KMT2E: variants seen among roughly 807,000 people sequenced by gnomAD.
KMT2E encodes the protein lysine methyltransferase 2E (inactive).
In KMT2E, 30 loss-of-function variants were observed where a neutral mutation model predicts 184.6. The observed-to-expected ratio is 0.16, with a 90% CI of 0.12 to 0.22. The LOEUF (loss-of-function observed/expected upper bound fraction) is 0.22. Among genes scored for constraint, KMT2E ranks in the 10% least tolerant of loss-of-function variants. The pLI, the probability that KMT2E is intolerant of heterozygous loss-of-function variation, is 1.00. For synonymous variants in KMT2E, 815 were observed against 776.5 expected (o/e 1.05, Z -0.82); for missense variants, 2,023 against 2,237.4 (o/e 0.90, Z 1.93).
chr7:105,096,680 A>G (rs1412686120), intron 15 of KMT2E, among the ~76,000 whole-genome samples: 3 of 152,210 alleles, frequency 2.0e-5, no homozygotes, highest in Admixed American at 6.5e-5. Flanking sequence ...GTAGACCATC[A>G]ATAAATGAGC....
intron 22 of KMT2E, 25 bp downstream of exon 22, chr7:105,107,950 C>A: frequency 6.8e-7 from 1 of 1,468,420 alleles, no homozygotes; most frequent in Non-Finnish European, 9.1e-7. Context: ...AATTTATAGT[C>A]CTTTTAATAG....
intron 3 of KMT2E, among the ~76,000 whole-genome samples, chr7:105,047,693 G>A (rs1442434947): frequency 2.6e-5 from 4 of 152,160 alleles, no homozygotes; most frequent in South Asian, 2.1e-4. Flanking sequence ...CTGAAGTCAC[G>A]GATTGTAAGT....
chr7:105,057,652 T>A (rs1796623145), intron 3 of KMT2E, among the ~76,000 whole-genome samples: 1 of 152,106 alleles, frequency 6.6e-6, no homozygotes, highest in Non-Finnish European at 1.5e-5. Context: ...GGGATCTTGC[T>A]GTGTTGCCCC....
At chr7:105,071,422 A>G (rs1033871558) in intron 6 of KMT2E, among the ~76,000 whole-genome samples, 1 of 150,246 alleles carries the variant, frequency 6.7e-6, no homozygotes, top group Non-Finnish European at 1.5e-5. Flanking sequence ...GCTGCAGTGC[A>G]GTGGTACGAT....
chr7:105,041,066 A>C (rs1417849080), intron 3 of KMT2E, 43 bp downstream of exon 3: 8 of 1,156,684 alleles, frequency 6.9e-6, no homozygotes, highest in Admixed American at 2.1e-5. Flanking sequence ...AAAAAAAAAA[A>C]CCCTTCTGGA....
chr7:105,023,402 C>CA (rs1158885663), intron 1 of KMT2E, among the ~76,000 whole-genome samples: 1,435 of 55,366 alleles, frequency 0.026, 25 homozygotes, highest in South Asian at 0.045. Context: ...GACTCTGTCT[C>CA]AAAAAAAAAA....
At chr7:105,062,086 A>G (rs1796835640) in intron 3 of KMT2E, 78 bp from the exon 4 acceptor site, 1 of 904,606 alleles carries the variant, frequency 1.1e-6, no homozygotes, top group Non-Finnish European at 1.8e-6. Flanking sequence ...TGCTGTAAGT[A>G]CTTTATCATT....
chr7:105,064,163 G>GTTTT (rs1796933267), intron 5 of KMT2E: 3 of 103,198 alleles, frequency 2.9e-5, no homozygotes, highest in Non-Finnish European at 5.9e-5. Flanking sequence ...TTTTTTTCTT[G>GTTTT]GTTTTTTTTT....
rs747100930 is a variant in KMT2E, at chr7:105,102,231, C to T, written c.2196+37C>T. On this transcript the variant is annotated intron_variant, in intron 17 of 26. Coordinates refer to ENST00000311117, the MANE Select transcript of KMT2E (RefSeq NM_182931.3). The stretch of plus-strand genomic sequence containing the variant: ...ATGAATGTAAGAACTGTTTTTCTAA[C>T]AGTTTCTTATATTAATTATATTGTT... 2.4e-5 allele frequency: 37 copies of T among 1,517,148 alleles called. No homozygotes were observed. The Admixed American group carries it at 8.1e-4, about 33-fold the overall frequency. The allele number at this position is 1,517,148 out of a possible 1,614,324, so 94.0% of individuals were successfully genotyped here. A position where few individuals can be genotyped will look rare whatever the true frequency, so the allele number is the denominator to read the frequency against.
At position 105,062,149 on chromosome 7, in the gene KMT2E, A is replaced by C. The variant is rs764823316; in HGVS notation, c.72-15A>C. The C allele has an allele frequency of 2.0e-6, 3 of 1,537,356 alleles. No individual in the cohort carries two copies. The highest frequency in any genetic ancestry group is 2.7e-6 in the Non-Finnish European group (3 of 1,115,686). The stretch of plus-strand genomic sequence containing the variant: ...AAAGAATGGAATTCTCTTTGATGCA[A>C]CTTTTTCCCCCCAGACCAGAATCCG... On this transcript the variant is annotated splice_polypyrimidine_tract_variant and intron_variant, in intron 3 of 26. Coordinates refer to ENST00000311117, the MANE Select transcript of KMT2E (RefSeq NM_182931.3).
intron 1 of KMT2E, among the ~76,000 whole-genome samples, chr7:105,019,450 G>A (rs1014946909): frequency 2.6e-5 from 4 of 152,088 alleles, no homozygotes; most frequent in Non-Finnish European, 1.5e-5. Flanking sequence ...AGCTTTTTGG[G>A]ATGTTGGACA....
chr7:105,041,110 A>G (rs1281852670), intron 3 of KMT2E, 87 bp downstream of exon 3: 3 of 756,358 alleles, frequency 4.0e-6, no homozygotes, highest in Non-Finnish European at 6.1e-6. Context: ...AGTGGAAAAT[A>G]TTAAATTTCT....
chr7:105,113,445 AC>A lies in KMT2E; in HGVS notation c.*114del. 8.7e-7 allele frequency: 1 copy of A among 1,152,394 alleles called. No individual in the cohort carries two copies. Among genetic ancestry groups the A allele is most frequent in the Non-Finnish European group, 1.2e-6 (1 of 848,138 alleles). The allele number at this position is 1,152,394 out of a possible 1,614,324, so 71.4% of individuals were successfully genotyped here. On this transcript the variant is annotated 3_prime_UTR_variant, in exon 27 of 27. Transcript: ENST00000311117. ...GTACATGAACCTTTGTATAAAAAAC[AC>A]CAGTGCTCTTTCGTTGTATTTTTCT...
At chr7:105,108,788 G>A (rs1799026675) in intron 22 of KMT2E, 154 bp from the exon 23 acceptor site, 2 of 641,810 alleles carry the variant, frequency 3.1e-6, no homozygotes, top group East Asian at 5.6e-5. Context: ...AATATAGTAG[G>A]CATTTGGTAA....
chr7:105,062,345 T>A, intron 4 of KMT2E, 67 bp downstream of exon 4: 1 of 1,005,648 alleles, frequency 9.9e-7, no homozygotes, highest in Non-Finnish European at 1.5e-6. Flanking sequence ...ATGCATGTGA[T>A]ACTGTGCTTG....
At chr7:105,063,618 T>G (rs756972922) in intron 5 of KMT2E, 38 bp downstream of exon 5, 11 of 1,341,004 alleles carry the variant, frequency 8.2e-6, no homozygotes. Context: ...TTTTCTTGAA[T>G]GCTGATAACC....
chr7:105,063,140 C>T (rs1796890201), intron 4 of KMT2E, among the ~76,000 whole-genome samples: 1 of 151,728 alleles, frequency 6.6e-6, no homozygotes, highest in Non-Finnish European at 1.5e-5. Flanking sequence ...AATGTGACCA[C>T]TCCCACTTTG....
intron 3 of KMT2E, among the ~76,000 whole-genome samples, chr7:105,051,094 T>C (rs111474705): frequency 0.019 from 2,903 of 149,470 alleles, 88 homozygotes; most frequent in African/African-American, 0.066. Flanking sequence ...TCTTTCTTTT[T>C]TCTCTCTCTC....
chr7:105,074,098 A>G (rs1797436642), intron 7 of KMT2E, among the ~76,000 whole-genome samples: 1 of 152,182 alleles, frequency 6.6e-6, no homozygotes, highest in Non-Finnish European at 1.5e-5. Context: ...TTTTATCTTA[A>G]TCATGTTGAT....
Sources: gnomAD v4.1 joint callset for allele counts (sites outside exome capture counted in the v4.1 genomes callset) on GRCh38, gnomAD v4.1.1 for gene constraint, MANE v1.5 for transcripts, NCBI Gene and HGNC (gene_info 2026-07-23, HGNC 2026-07-21) for gene names.